Variants in CNOT2 observed in about 807,000 individuals in gnomAD.
CNOT2 encodes CCR4-NOT transcription complex subunit 2.
A neutral mutation model predicts 72.1 loss-of-function variants in CNOT2; 7 were observed. The observed-to-expected ratio is 0.10, with a 90% confidence interval of 0.06 to 0.18. The LOEUF is 0.18. Ranked by LOEUF, CNOT2 falls within the 10% of genes least tolerant of loss-of-function variation. The pLI is 1.00. For synonymous variants in CNOT2, 196 were observed against 225.6 expected (o/e 0.87, Z 1.17); for missense variants, 345 against 660.3 (o/e 0.52, Z 5.23).
intron 1 of CNOT2, among the ~76,000 whole-genome samples, chr12:70,273,446 A>G (rs1868325897): frequency 6.6e-6 from 1 of 152,140 alleles, no homozygotes; most frequent in Non-Finnish European, 1.5e-5. Flanking sequence ...CTCCTTCTCT[A>G]AACCATGAAC....
At chr12:70,317,611 ATTTTTTTTTTTTT>A (rs529433652) in intron 3 of CNOT2, among the ~76,000 whole-genome samples, 3 of 105,456 alleles carry the variant, frequency 2.8e-5, no homozygotes, top group African/African-American at 7.5e-5. Flanking sequence ...ATAAGGTTTG[ATTTTTTTTTTTTT>A]TTTTTTTTTT....
At position 70,272,184 on chromosome 12, in the gene CNOT2, A is replaced by T. The variant is rs184497898; in HGVS notation, c.-95-5948A>T. ...ATTTCTTGTGCTTCATTTATTCAGT[A>T]AAATGTATCTGTTATGTATCACTTA... On this transcript the variant is annotated intron_variant, in intron 1 of 15. Coordinates refer to ENST00000229195, the MANE Select transcript of CNOT2 (RefSeq NM_014515.7). Among the ~76,000 whole-genome samples, 186 of 152,348 alleles carry T rather than the reference A, an allele frequency of 1.2e-3. 1 individual carries two copies. The highest frequency in any genetic ancestry group is 4.2e-3 in the African/African-American group (173 of 41,586).
intron 2 of CNOT2, among the ~76,000 whole-genome samples, chr12:70,304,990 C>T (rs1378098068): frequency 6.6e-6 from 1 of 152,212 alleles, no homozygotes; most frequent in Non-Finnish European, 1.5e-5. Flanking sequence ...GGGATATAAT[C>T]TGGTGTGCCT....
intron 10 of CNOT2, 22 bp downstream of exon 10, chr12:70,338,585 T>C (rs756486324): frequency 1.2e-6 from 2 of 1,602,364 alleles, no homozygotes; most frequent in African/African-American, 2.7e-5. Flanking sequence ...GAAATCTATG[T>C]CAAAGATATT....
rs1022649449 is a variant in CNOT2 at position 70,354,054 on chromosome 12, G to A, written c.*139G>A. Reference sequence around the variant, plus strand: ...CTTGAGGATCTGGCAATTGGCTTACGCAAAAGGTCACCATTTGAGGTCCTG... The same window carrying A: ...CTTGAGGATCTGGCAATTGGCTTACACAAAAGGTCACCATTTGAGGTCCTG... On this transcript the variant is annotated 3_prime_UTR_variant, in exon 16 of 16. Transcript: ENST00000229195. 49 of 1,386,544 alleles carry A rather than the reference G, an allele frequency of 3.5e-5. No homozygotes were observed. Among genetic ancestry groups the A allele is most frequent in the Middle Eastern group, 2.5e-4 (1 of 4,068 alleles). 85.9% of individuals were successfully genotyped at this position (1,386,544 alleles called of 1,614,324 possible).
At chr12:70,301,802 C>A (rs999594343) in intron 2 of CNOT2, 1 of 152,228 alleles carries the variant, frequency 6.6e-6, no homozygotes, top group Non-Finnish European at 1.5e-5. Flanking sequence ...ATGGTACCAG[C>A]TCCTCCTTGT....
rs76537675 is a variant in CNOT2 at position 70,292,455 on chromosome 12, T to G, written c.48+14181T>G. On this transcript the variant is annotated intron_variant, in intron 2 of 15. Coordinates refer to ENST00000229195, the MANE Select transcript of CNOT2 (RefSeq NM_014515.7). The stretch of plus-strand genomic sequence containing the variant: ...ACAAGGAATTCCTTACTGAGATGAC[T>G]TCACACCTGAAGTAGGTGAAGTAGG... 3.2e-4 allele frequency among the ~76,000 whole-genome samples: 49 copies of G among 152,300 alleles called. No homozygotes were observed. In the East Asian group the frequency reaches 9.5e-3, roughly 29 times the overall value.
intron 1 of CNOT2, among the ~76,000 whole-genome samples, chr12:70,270,655 T>C (rs930803168): frequency 2.6e-5 from 4 of 152,120 alleles, no homozygotes; most frequent in African/African-American, 9.7e-5. Flanking sequence ...AACCTACACT[T>C]AACTGACCCA....
At chr12:70,285,815 C>T (rs1361622801) in intron 2 of CNOT2, among the ~76,000 whole-genome samples, 1 of 151,926 alleles carries the variant, frequency 6.6e-6, no homozygotes, top group Non-Finnish European at 1.5e-5. Context: ...GTGGAGGCAC[C>T]CAATGTAGTC....
intron 2 of CNOT2, among the ~76,000 whole-genome samples, chr12:70,280,566 CTT>C (rs776985291): frequency 5.2e-4 from 79 of 152,180 alleles, no homozygotes; most frequent in Middle Eastern, 6.8e-3. Context: ...TTGAGGGACA[CTT>C]AATATTTTAT....
chr12:70,301,855 T>C (rs1239479413), intron 2 of CNOT2: 2 of 152,286 alleles, frequency 1.3e-5, no homozygotes, highest in East Asian at 1.9e-4. Flanking sequence ...GGTCCTGGAT[T>C]TTTTTGGTTG....
At chr12:70,247,191 A>G (rs1485188549) in intron 1 of CNOT2, among the ~76,000 whole-genome samples, 1 of 150,706 alleles carries the variant, frequency 6.6e-6, no homozygotes, top group Non-Finnish European at 1.5e-5. Flanking sequence ...TTTGAGACGA[A>G]GTTTTGCTCG....
intron 2 of CNOT2, among the ~76,000 whole-genome samples, chr12:70,293,893 G>A (rs1456307742): frequency 1.4e-5 from 2 of 140,746 alleles, no homozygotes; most frequent in Admixed American, 7.1e-5. Flanking sequence ...GGAAAAGTGT[G>A]CAAGTTTGTG....
chr12:70,343,237 C>A (rs1336014175), intron 13 of CNOT2, among the ~76,000 whole-genome samples: 1 of 152,146 alleles, frequency 6.6e-6, no homozygotes, highest in Non-Finnish European at 1.5e-5. Flanking sequence ...CACATTGGGG[C>A]TGCTGCCTGA....
At position 70,315,857 on chromosome 12, in the gene CNOT2, T is replaced by G. The variant is rs1277862796; in HGVS notation, c.172-3441T>G. Among the ~76,000 whole-genome samples the G allele has an allele frequency of 2.6e-5, 4 of 152,302 alleles. No individual in the cohort carries two copies. In the East Asian group the frequency reaches 7.7e-4, roughly 29 times the overall value. ...TCTATGCCTTATTTTACCTGGAATTTGTGAAGATAAACTTTCTTTAGCCCC... is the reference window on the plus strand; with the variant it reads ...TCTATGCCTTATTTTACCTGGAATTGGTGAAGATAAACTTTCTTTAGCCCC... On this transcript the variant is annotated intron_variant, in intron 3 of 15. Coordinates refer to ENST00000229195, the MANE Select transcript of CNOT2 (RefSeq NM_014515.7).
intron 15 of CNOT2, among the ~76,000 whole-genome samples, chr12:70,349,120 A>C (rs185527463): frequency 1.5e-3 from 223 of 152,290 alleles, no homozygotes; most frequent in African/African-American, 5.3e-3. Flanking sequence ...TTATATTAAA[A>C]TACAAATTCA....
chr12:70,318,911 G>GA (rs568116381), intron 3 of CNOT2: 173 of 152,732 alleles, frequency 1.1e-3, no homozygotes, highest in Non-Finnish European at 1.6e-3. Flanking sequence ...CATCTACAAG[G>GA]AAAAAAAAAT....
At chr12:70,302,329 T>C (rs1351172084) in intron 2 of CNOT2, among the ~76,000 whole-genome samples, 1 of 151,914 alleles carries the variant, frequency 6.6e-6, no homozygotes, top group Admixed American at 6.6e-5. Context: ...TTTAGATCTT[T>C]CCTGCTTTCT....
chr12:70,282,089 T>C (rs1869967873), intron 2 of CNOT2, among the ~76,000 whole-genome samples: 1 of 152,166 alleles, frequency 6.6e-6, no homozygotes, highest in Admixed American at 6.5e-5. Context: ...GGTATGTAGA[T>C]AGGTGTTCAA....
Sources: gnomAD v4.1 joint callset for allele counts (sites outside exome capture counted in the v4.1 genomes callset) on GRCh38, gnomAD v4.1.1 for gene constraint, MANE v1.5 for transcripts, NCBI Gene and HGNC (gene_info 2026-07-23, HGNC 2026-07-21) for gene names.